The following CGNL1 variants were observed in gnomAD, a reference collection of about 807,000 sequenced individuals.
The protein encoded by CGNL1 is cingulin like 1.
Under a neutral mutation model 141.2 loss-of-function variants are expected in CGNL1, and 132 were observed. The ratio of observed to expected loss-of-function variants is 0.93; its 90% CI spans 0.81 to 1.08. The LOEUF (loss-of-function observed/expected upper bound fraction) is 1.08. Ranked by LOEUF, CGNL1 falls within the 50% of genes least tolerant of loss-of-function variation. CGNL1 has a pLI of 0.00. For synonymous variants in CGNL1, 690 were observed against 622.1 expected (o/e 1.11, Z -1.63); for missense variants, 1,870 against 1,588.6 (o/e 1.18, Z -3.01).
chr15:57,426,759 A>G (rs1464508258), intron 1 of CGNL1, among the ~76,000 whole-genome samples: 3 of 152,076 alleles, frequency 2.0e-5, no homozygotes, highest in Non-Finnish European at 4.4e-5. Flanking sequence ...GCTACTGGCC[A>G]GGAGACACAT....
At chr15:57,471,829 C>T (rs913164088) in intron 8 of CGNL1, among the ~76,000 whole-genome samples, 3 of 152,136 alleles carry the variant, frequency 2.0e-5, no homozygotes, top group Non-Finnish European at 4.4e-5. Flanking sequence ...CATTTATGGT[C>T]ATTAATTAAG....
chr15:57,381,733 C>T (rs1178450491), intron 1 of CGNL1, among the ~76,000 whole-genome samples: 9 of 152,162 alleles, frequency 5.9e-5, no homozygotes, highest in Admixed American at 5.2e-4. Flanking sequence ...CTCCTTAGGT[C>T]TGAACTGATT....
At chr15:57,536,185 G>T (rs1397062321) in intron 14 of CGNL1, among the ~76,000 whole-genome samples, 1 of 152,110 alleles carries the variant, frequency 6.6e-6, no homozygotes, top group African/African-American at 2.4e-5. Flanking sequence ...GATCTCATGA[G>T]ACTTATTCAC....
At chr15:57,428,688 T>C (rs757758108) in intron 1 of CGNL1, among the ~76,000 whole-genome samples, 15 of 151,918 alleles carry the variant, frequency 9.9e-5, no homozygotes, top group Non-Finnish European at 1.8e-4. Context: ...GGGAGACAGA[T>C]TTTTACTGGA....
At chr15:57,383,703 G>A (rs1291571293) in intron 1 of CGNL1, among the ~76,000 whole-genome samples, 4 of 150,604 alleles carry the variant, frequency 2.7e-5, no homozygotes, top group Non-Finnish European at 5.9e-5. Flanking sequence ...GTTCACTGCA[G>A]CCTCAACCTC....
chr15:57,440,419 C>G lies in CGNL1; in HGVS notation c.1645C>G (p.Gln549Glu). ...AAAGGGCCAGCAAGAGCTCACTCAG[C>G]AAACCAATGAGGAGACAGCTAAGCA... ...LLKGQQELTQQTNEETAKQIL... is the reference protein window; with the variant it reads ...LLKGQQELTQETNEETAKQIL... Residue 549 changes from glutamine (Q) to glutamate (E), a missense_variant, in exon 3 of 19, where the codon CAA (glutamine) becomes GAA (glutamate). Physicochemically the swap from Gln to Glu is conservative, Grantham distance 29 (BLOSUM62 2). Transcript: ENST00000281282. 1 of 1,603,094 alleles carries G rather than the reference C, an allele frequency of 6.2e-7. No individual in the cohort carries two copies. Among genetic ancestry groups the G allele is most frequent in the Non-Finnish European group, 8.5e-7 (1 of 1,174,228 alleles).
intron 8 of CGNL1, among the ~76,000 whole-genome samples, chr15:57,484,797 G>A (rs752020117): frequency 1.3e-5 from 2 of 152,112 alleles, no homozygotes; most frequent in African/African-American, 4.8e-5. Context: ...TTATGAGTGA[G>A]AACATGCAGT....
At chr15:57,449,934 A>G (rs1221173025) in intron 4 of CGNL1, among the ~76,000 whole-genome samples, 1 of 152,152 alleles carries the variant, frequency 6.6e-6, no homozygotes, top group Non-Finnish European at 1.5e-5. Flanking sequence ...ATTGTCTGAT[A>G]TACCACAATT....
intron 1 of CGNL1, among the ~76,000 whole-genome samples, chr15:57,393,555 C>T (rs748913831): frequency 1.8e-4 from 27 of 152,086 alleles, no homozygotes; most frequent in Non-Finnish European, 3.1e-4. Context: ...CTTGGAAATA[C>T]TTGGAAGAAA....
chr15:57,383,292 CT>C (rs59213732), intron 1 of CGNL1, among the ~76,000 whole-genome samples: 164 of 109,364 alleles, frequency 1.5e-3, no homozygotes, highest in Admixed American at 1.5e-3. Context: ...TTCTTTCTTC[CT>C]TTTTTTTTTT....
intron 14 of CGNL1, among the ~76,000 whole-genome samples, chr15:57,540,144 C>T (rs73423560): frequency 0.029 from 4,361 of 152,230 alleles, 223 homozygotes; most frequent in African/African-American, 0.1. Context: ...TCTTTCTTAC[C>T]TCCTACTCTG....
chr15:57,437,417 A>C (rs2063118003), intron 1 of CGNL1, among the ~76,000 whole-genome samples: 1 of 152,124 alleles, frequency 6.6e-6, no homozygotes, highest in Non-Finnish European at 1.5e-5. Flanking sequence ...AAGATTTTGC[A>C]GCAAGATTGT....
chr15:57,536,301 G>A (rs1382277244), intron 14 of CGNL1, among the ~76,000 whole-genome samples: 1 of 152,204 alleles, frequency 6.6e-6, no homozygotes, highest in Admixed American at 6.5e-5. Context: ...TTCAAGATGA[G>A]ATTTGGGTGA....
intron 8 of CGNL1, among the ~76,000 whole-genome samples, chr15:57,497,987 T>C (rs530316472): frequency 3.3e-5 from 5 of 152,282 alleles, no homozygotes; most frequent in South Asian, 2.1e-4. Context: ...GAAAACAGAA[T>C]TGAGCAGAAA....
intron 8 of CGNL1, among the ~76,000 whole-genome samples, chr15:57,490,731 G>A (rs2063848290): frequency 6.6e-6 from 1 of 152,192 alleles, no homozygotes; most frequent in Non-Finnish European, 1.5e-5. Context: ...TGTACAGGAT[G>A]AAGTGGGGGA....
At chr15:57,407,562 A>G (rs2152264836) in intron 1 of CGNL1, among the ~76,000 whole-genome samples, 1 of 152,080 alleles carries the variant, frequency 6.6e-6, no homozygotes, top group South Asian at 2.1e-4. Context: ...GGTCCCAGCT[A>G]CTTGAGAGGC....
chr15:57,523,785 G>A, intron 11 of CGNL1, 144 bp downstream of exon 11: 1 of 810,888 alleles, frequency 1.2e-6, no homozygotes, highest in Non-Finnish European at 1.9e-6. Flanking sequence ...CCAAGAGGCA[G>A]CTCTTTGGAT....
At chr15:57,413,902 A>G (rs1317468105) in intron 1 of CGNL1, among the ~76,000 whole-genome samples, 3 of 152,154 alleles carry the variant, frequency 2.0e-5, no homozygotes, top group Non-Finnish European at 4.4e-5. Flanking sequence ...GGCTCTTTCA[A>G]GGAGATGCCT....
intron 8 of CGNL1, among the ~76,000 whole-genome samples, chr15:57,473,896 CTTCTTTTTT>C (rs1477185692): frequency 8.6e-4 from 95 of 110,092 alleles, no homozygotes; most frequent in Non-Finnish European, 1.1e-3. Flanking sequence ...TCTTCTTCTT[CTTCTTTTTT>C]TTTTTTTTTT....
Sources: allele counts gnomAD v4.1 joint callset (sites outside exome capture counted in the v4.1 genomes callset), GRCh38; gene constraint gnomAD v4.1.1; transcripts MANE v1.5; gene names NCBI Gene and HGNC (gene_info 2026-07-23, HGNC 2026-07-21).